OTOGL: variants seen among roughly 807,000 people sequenced by gnomAD.
OTOGL encodes otogelin like, also known as otogelin-like protein.
OTOGL carries 285 observed loss-of-function variants against 318.5 expected under a neutral mutation model. The observed-to-expected ratio is 0.89, with a 90% CI of 0.81 to 0.99. OTOGL has a LOEUF of 0.99. OTOGL is among the 50% of genes least tolerant of loss of function. OTOGL has a pLI of 0.00. For missense variants in OTOGL, 2,899 were observed against 2,845.6 expected (o/e 1.02, Z -0.43); for synonymous variants, 987 against 936.5 (o/e 1.05, Z -0.99).
At chr12:80,168,323 T>C (rs1419370404) in intron 1 of OTOGL, among the ~76,000 whole-genome samples, 5 of 152,172 alleles carry the variant, frequency 3.3e-5, no homozygotes, top group Non-Finnish European at 7.3e-5. Context: ...TTTGTTTACC[T>C]AGCAACATTC....
rs1310099359 is a variant in OTOGL at position 80,277,175 on chromosome 12, A to T, written c.2682-993A>T. On this transcript the variant is annotated intron_variant, in intron 24 of 58. Coordinates refer to ENST00000547103, the MANE Select transcript of OTOGL (RefSeq NM_001378609.3). ...TTAATTCATAATAAAAAATTATTTA[A>T]ATAATGACAACTAATTTTCAAATTT... is the stretch of plus-strand genomic sequence containing the variant. Among the ~76,000 whole-genome samples, 5 of 147,284 alleles carry T rather than the reference A, an allele frequency of 3.4e-5. No homozygotes were observed. The East Asian group carries it at 9.8e-4, about 29-fold the overall frequency.
chr12:80,323,461 C>T (rs1296428307), intron 34 of OTOGL, among the ~76,000 whole-genome samples: 6 of 152,026 alleles, frequency 3.9e-5, no homozygotes. Flanking sequence ...CCATTCTGGT[C>T]AACAAGGCAA....
chr12:80,143,859 A>T (rs1872121779), intron 1 of OTOGL, among the ~76,000 whole-genome samples: 1 of 152,064 alleles, frequency 6.6e-6, no homozygotes, highest in Non-Finnish European at 1.5e-5. Flanking sequence ...TGGAATGATA[A>T]ACTGCTCATG....
chr12:80,272,476 G>A (rs1002405168), intron 24 of OTOGL, among the ~76,000 whole-genome samples: 8 of 151,930 alleles, frequency 5.3e-5, no homozygotes, highest in Non-Finnish European at 8.8e-5. Context: ...AATGCCTAGT[G>A]CACGTGAAAG....
intron 4 of OTOGL, 28 bp downstream of exon 4, chr12:80,212,025 G>C: frequency 2.6e-6 from 4 of 1,543,748 alleles, no homozygotes; most frequent in Non-Finnish European, 3.5e-6. Context: ...TGGAGAGAGA[G>C]GCAGAGAAAT....
intron 5 of OTOGL, among the ~76,000 whole-genome samples, chr12:80,218,743 C>G (rs1391642996): frequency 6.7e-6 from 1 of 148,258 alleles, no homozygotes; most frequent in Non-Finnish European, 1.5e-5. Flanking sequence ...GTGACTTTGG[C>G]TTCTGCTTCA....
At chr12:80,172,029 C>T (rs929656586) in intron 1 of OTOGL, among the ~76,000 whole-genome samples, 6 of 152,098 alleles carry the variant, frequency 3.9e-5, no homozygotes, top group African/African-American at 1.4e-4. Context: ...GCTTTAACTG[C>T]TTCTCACAAA....
intron 1 of OTOGL, among the ~76,000 whole-genome samples, chr12:80,156,961 T>C (rs879934200): frequency 3.3e-5 from 5 of 152,152 alleles, no homozygotes; most frequent in Non-Finnish European, 7.4e-5. Context: ...TACCCAGCAG[T>C]GGAATTGCTG....
chr12:80,304,487 G>A (rs1379826528), intron 28 of OTOGL, among the ~76,000 whole-genome samples: 1 of 151,992 alleles, frequency 6.6e-6, no homozygotes, highest in Non-Finnish European at 1.5e-5. Context: ...AATTGGAATA[G>A]CAACAATATC....
intron 1 of OTOGL, among the ~76,000 whole-genome samples, chr12:80,176,658 GGTT>G (rs2137229747): frequency 6.6e-6 from 1 of 151,996 alleles, no homozygotes; most frequent in South Asian, 2.1e-4. Context: ...TGGACATTTG[GGTT>G]GTTTTCAGTT....
chr12:80,336,462 C>A lies in OTOGL; in HGVS notation c.4650C>A (p.Asn1550Lys). 6.2e-7 allele frequency: 1 copy of A among 1,609,124 alleles called. No homozygotes were observed. Among genetic ancestry groups the A allele is most frequent in the East Asian group, 2.2e-5 (1 of 44,800 alleles). ...TGAGCATTATTACATTTGATGGAAA[C>A]AACGCAGCATTATATAGCATGGCTT... ...SELSIITFDGNNAALYSMASY... is the reference protein window; with the variant it reads ...SELSIITFDGKNAALYSMASY... Residue 1550 changes from asparagine (N) to lysine (K), a missense_variant, in exon 40 of 59, where the codon AAC becomes AAA. Physicochemically the swap from Asn to Lys is moderately conservative, Grantham distance 94. Coordinates refer to ENST00000547103, the MANE Select transcript of OTOGL (RefSeq NM_001378609.3).
chr12:80,172,704 A>G (rs1331187020), intron 1 of OTOGL, among the ~76,000 whole-genome samples: 6 of 152,138 alleles, frequency 3.9e-5, no homozygotes. Flanking sequence ...CTTTGCAGCC[A>G]TAAAAAGAAC....
intron 1 of OTOGL, among the ~76,000 whole-genome samples, chr12:80,108,356 G>C (rs1482544348): frequency 6.6e-6 from 1 of 151,866 alleles, no homozygotes; most frequent in East Asian, 1.9e-4. Flanking sequence ...TGTTCTTTCT[G>C]TAGTGGTAAG....
chr12:80,266,719 T>C lies in OTOGL; in HGVS notation c.2390+103T>C, dbSNP rs7313132. ...AGTTTTTGAAAAAAATATTTCTTAT[T>C]GTCTTTACTTTTTTTTTTAAAAAAC... is the stretch of plus-strand genomic sequence containing the variant. On this transcript the variant is annotated intron_variant, in intron 21 of 58. Transcript: ENST00000547103. 968,882 of 1,147,434 alleles carry C rather than the reference T, an allele frequency of 0.84. 411,904 individuals carry two copies. The highest frequency in any genetic ancestry group is 0.87 in the East Asian group (33,136 of 37,964). 71.1% of individuals were successfully genotyped at this position (1,147,434 alleles called of 1,614,324 possible).
chr12:80,293,036 C>G (rs890822273), intron 26 of OTOGL, among the ~76,000 whole-genome samples: 2 of 152,134 alleles, frequency 1.3e-5, no homozygotes, highest in African/African-American at 2.4e-5. Context: ...ATAAGAGTCA[C>G]AGGTAACTGC....
At chr12:80,312,468 T>C (rs1293232885) in intron 30 of OTOGL, among the ~76,000 whole-genome samples, 1 of 152,248 alleles carries the variant, frequency 6.6e-6, no homozygotes, top group Non-Finnish European at 1.5e-5. Flanking sequence ...TTTTAATGTC[T>C]AATAGAGTAA....
rs756958173 is a variant in OTOGL, at chr12:80,355,939, G to A, written c.5797G>A (p.Glu1933Lys). Residue 1933 changes from glutamate to lysine, a missense_variant, in exon 47 of 59, where the codon GAA becomes AAA. Around this residue, in one of 3 missense-constraint regions of OTOGL, gnomAD observed 2,607 missense variants for 2,524.9 expected, o/e 1.03. Transcript: ENST00000547103. ...TGATAAATGGACCTGCTGTTCAAAGGAAGTTTGTGGTATGTATGCAGAAGC... is the reference window on the plus strand; with the variant it reads ...TGATAAATGGACCTGCTGTTCAAAGAAAGTTTGTGGTATGTATGCAGAAGC... ...IIDKWTCCSK[E>K]VCGCDTTLCE... is the part of the protein sequence containing the mutation. The A allele has an allele frequency of 5.0e-6, 8 of 1,613,800 alleles. No individual in the cohort carries two copies. The highest frequency in any genetic ancestry group is 1.7e-5 in the Admixed American group (1 of 60,002).
chr12:80,273,296 C>T (rs1883548936), intron 24 of OTOGL, among the ~76,000 whole-genome samples: 1 of 152,012 alleles, frequency 6.6e-6, no homozygotes, highest in Non-Finnish European at 1.5e-5. Context: ...TTCTATGTGA[C>T]CTTGTCTGGC....
intron 26 of OTOGL, among the ~76,000 whole-genome samples, chr12:80,293,764 T>C (rs1307586367): frequency 6.6e-6 from 1 of 152,122 alleles, no homozygotes; most frequent in Non-Finnish European, 1.5e-5. Context: ...TATTTTCTGG[T>C]TCAAATTTGA....
Sources: gnomAD v4.1 joint callset for allele counts (sites outside exome capture counted in the v4.1 genomes callset) on GRCh38, gnomAD v4.1.1 for gene constraint, gnomAD v4.1.1 regional missense constraint, MANE v1.5 for transcripts, NCBI Gene and HGNC (gene_info 2026-07-23, HGNC 2026-07-21) for gene names.